AGBL1: variants seen among roughly 807,000 people sequenced by gnomAD.
The protein encoded by AGBL1 is AGBL carboxypeptidase 1.
Under a neutral mutation model 118.9 loss-of-function variants are expected in AGBL1, and 130 were observed. The observed-to-expected ratio is 1.09, with a 90% CI of 0.95 to 1.26. The LOEUF is 1.26. Ranked by LOEUF, AGBL1 falls within the 50% of genes most tolerant of loss-of-function variation. The pLI is 0.00. For missense variants in AGBL1, 1,584 were observed against 1,298.1 expected, an observed-to-expected ratio of 1.22 and a Z score of -3.38; for synonymous variants, 555 against 478.9, an observed-to-expected ratio of 1.16 and a Z score of -2.08.
chr15:86,149,174 T>C (rs895793748), intron 3 of AGBL1, among the ~76,000 whole-genome samples: 6 of 152,132 alleles, frequency 3.9e-5, no homozygotes, highest in African/African-American at 1.4e-4. Flanking sequence ...TGCAAAAACA[T>C]GCCAAATTGT....
intron 21 of AGBL1, among the ~76,000 whole-genome samples, chr15:86,607,897 G>T (rs2084600021): frequency 6.6e-6 from 1 of 152,138 alleles, no homozygotes; most frequent in South Asian, 2.1e-4. Context: ...TAGGCAGGCA[G>T]TGCATGGACA....
chr15:86,599,621 C>G (rs2084463940), intron 21 of AGBL1, among the ~76,000 whole-genome samples: 1 of 152,068 alleles, frequency 6.6e-6, no homozygotes, highest in Non-Finnish European at 1.5e-5. Context: ...GGGTAAGTGC[C>G]TATAAGCGGT....
intron 17 of AGBL1, among the ~76,000 whole-genome samples, chr15:86,380,265 C>A (rs1405786241): frequency 1.8e-5 from 1 of 56,518 alleles, no homozygotes; most frequent in Non-Finnish European, 2.9e-5. Flanking sequence ...CCCTTTCTTC[C>A]TTCCTTCCTT....
At chr15:86,193,892 C>T (rs887484201) in intron 5 of AGBL1, among the ~76,000 whole-genome samples, 1 of 152,170 alleles carries the variant, frequency 6.6e-6, no homozygotes, top group Non-Finnish European at 1.5e-5. Flanking sequence ...AATGACAGAG[C>T]CTCTCTGGCA....
At chr15:86,642,240 A>G (rs1439044229) in intron 21 of AGBL1, among the ~76,000 whole-genome samples, 1 of 152,206 alleles carries the variant, frequency 6.6e-6, no homozygotes, top group African/African-American at 2.4e-5. Flanking sequence ...AGAATTTGGA[A>G]CAATAAAGAG....
chr15:86,336,011 T>C (rs2080362110), intron 17 of AGBL1, among the ~76,000 whole-genome samples: 1 of 152,322 alleles, frequency 6.6e-6, no homozygotes, highest in South Asian at 2.1e-4. Context: ...CAATGTGCTG[T>C]ATTGTGAAGG....
chr15:86,880,193 A>G (rs1295732368), intron 22 of AGBL1, among the ~76,000 whole-genome samples: 1 of 152,236 alleles, frequency 6.6e-6, no homozygotes, highest in Non-Finnish European at 1.5e-5. Flanking sequence ...TTAGGTACCA[A>G]TAAAGGCTTT....
rs1377142275 is a variant in AGBL1, at chr15:86,613,959, G to A, written c.2994+59422G>A. Among the ~76,000 whole-genome samples, 1 of 152,190 alleles carries A rather than the reference G, an allele frequency of 6.6e-6. No homozygotes were observed. Among genetic ancestry groups the A allele is most frequent in the East Asian group, 1.9e-4 (1 of 5,192 alleles). On this transcript the variant is annotated intron_variant, in intron 21 of 22. Transcript: ENST00000614907. This position sits in a 1 kb window ranked among gnomAD's most constrained non-coding sequence, Gnocchi z 4.2. ...GGTGGATTCCTTTCCATCTCCTAAG[G>A]GAGGTGGGGTAATGTGCTGCTGCAA...
At chr15:86,110,166 C>G (rs1897279548) in intron 1 of AGBL1, among the ~76,000 whole-genome samples, 1 of 152,162 alleles carries the variant, frequency 6.6e-6, no homozygotes, top group Admixed American at 6.5e-5. Context: ...CTGGTAGTGA[C>G]AAATAGCATT....
chr15:86,196,935 A>G (rs2077823091), intron 5 of AGBL1, among the ~76,000 whole-genome samples: 1 of 150,822 alleles, frequency 6.6e-6, no homozygotes, highest in African/African-American at 2.4e-5. Flanking sequence ...ACGAAAGGCC[A>G]TATGAGGACA....
chr15:86,735,028 A>G (rs900172673), intron 22 of AGBL1, among the ~76,000 whole-genome samples: 3 of 149,854 alleles, frequency 2.0e-5, no homozygotes, highest in Non-Finnish European at 4.4e-5. Context: ...GTTCATAGGC[A>G]TCATACTCAG....
At chr15:86,748,960 T>C (rs1332062136) in intron 22 of AGBL1, among the ~76,000 whole-genome samples, 1 of 152,170 alleles carries the variant, frequency 6.6e-6, no homozygotes, top group Non-Finnish European at 1.5e-5. Context: ...TCCAGCTTTG[T>C]TCTTTTTGCT....
intron 17 of AGBL1, among the ~76,000 whole-genome samples, chr15:86,331,570 A>ACATAGGGAACC (rs2080269455): frequency 6.6e-6 from 1 of 152,250 alleles, no homozygotes; most frequent in African/African-American, 2.4e-5. Context: ...CAGATTGCAT[A>ACATAGGGAACC]CATAGGGAAC....
intron 24 of AGBL1, among the ~76,000 whole-genome samples, chr15:86,997,239 T>C (rs1306326590): frequency 6.6e-6 from 1 of 152,164 alleles, no homozygotes. Context: ...CTTATTTCCA[T>C]ACATTGTATC....
At chr15:86,548,859 C>A (rs575451914) in intron 20 of AGBL1, among the ~76,000 whole-genome samples, 3 of 151,930 alleles carry the variant, frequency 2.0e-5, no homozygotes, top group Admixed American at 2.0e-4. Context: ...GCAGGCTGTT[C>A]GGGAAGCATA....
rs955291614 is a variant in AGBL1 at position 86,823,926 on chromosome 15, C to T, written c.3159-83161C>T. ...AAAATTAGAAATGGAGGAGAATTACCTCAACAATAAAAGGCATCTACAAAA... is the reference window on the plus strand; with the variant it reads ...AAAATTAGAAATGGAGGAGAATTACTTCAACAATAAAAGGCATCTACAAAA... On this transcript the variant is annotated intron_variant, in intron 22 of 22. Coordinates refer to ENST00000614907, the MANE Select transcript of AGBL1 (RefSeq NM_001386094.1). 7.2e-5 allele frequency among the ~76,000 whole-genome samples: 11 copies of T among 151,958 alleles called. No individual in the cohort carries two copies. In the East Asian group the frequency reaches 1.9e-3, roughly 27 times the overall value.
At chr15:86,594,830 T>C (rs2084384320) in intron 21 of AGBL1, among the ~76,000 whole-genome samples, 1 of 152,234 alleles carries the variant, frequency 6.6e-6, no homozygotes, top group Admixed American at 6.5e-5. Context: ...TTTCACTACT[T>C]GTATACTCAC....
chr15:86,228,883 T>A (rs2078409700), intron 6 of AGBL1, among the ~76,000 whole-genome samples: 1 of 152,180 alleles, frequency 6.6e-6, no homozygotes, highest in South Asian at 2.1e-4. Flanking sequence ...CAATTTGGGA[T>A]CCTACAAATT....
At chr15:86,516,846 T>C (rs926098900) in intron 18 of AGBL1, among the ~76,000 whole-genome samples, 4 of 151,710 alleles carry the variant, frequency 2.6e-5, no homozygotes, top group Non-Finnish European at 4.4e-5. Context: ...TCTTGATTGA[T>C]GCAAGTGATG....
Sources: allele counts gnomAD v4.1 joint callset (sites outside exome capture counted in the v4.1 genomes callset), GRCh38; gene constraint gnomAD v4.1.1; non-coding constraint Gnocchi (gnomAD v3.1); transcripts MANE v1.5; gene names NCBI Gene and HGNC (gene_info 2026-07-23, HGNC 2026-07-21).